Variants in GRXCR1 observed in about 807,000 individuals in gnomAD.
The protein encoded by GRXCR1 is glutaredoxin domain-containing cysteine-rich protein 1.
Under a neutral mutation model 27.3 loss-of-function variants are expected in GRXCR1, and 27 were observed. The ratio of observed to expected loss-of-function variants is 0.99; its 90% CI spans 0.73 to 1.37. GRXCR1 has a LOEUF of 1.37. Among genes scored for constraint, GRXCR1 ranks in the 40% most tolerant of loss-of-function variants. The pLI is 0.00. For missense variants in GRXCR1, 379 were observed against 354.4 expected, an observed-to-expected ratio of 1.07 and a Z score of -0.56; for synonymous variants, 122 against 131.1, an observed-to-expected ratio of 0.93 and a Z score of 0.47.
rs553561724 is a variant in GRXCR1, at chr4:42,956,851, C to T, written c.385-6041C>T. On this transcript the variant is annotated intron_variant, in intron 1 of 3. Transcript: ENST00000399770. Reference sequence around the variant, plus strand: ...TCCTTCTTTACTTATCATTTTGAAACGTAAACCAGGTTTAGTGCAACTCCT... The same window carrying T: ...TCCTTCTTTACTTATCATTTTGAAATGTAAACCAGGTTTAGTGCAACTCCT... Among the ~76,000 whole-genome samples, 29 of 152,190 alleles carry T rather than the reference C, an allele frequency of 1.9e-4. No homozygotes were observed. In the South Asian group the frequency reaches 2.9e-3, roughly 15 times the overall value.
intron 1 of GRXCR1, among the ~76,000 whole-genome samples, chr4:42,926,851 G>A (rs1422254969): frequency 7.2e-5 from 11 of 151,912 alleles, no homozygotes; most frequent in Admixed American, 1.3e-4. Context: ...TTTTCTTTTC[G>A]TTTCTCCTGG....
rs569440518 is a variant in GRXCR1, at chr4:42,994,056, G to A, written c.628-26298G>A. Among the ~76,000 whole-genome samples, 34 of 152,262 alleles carry A rather than the reference G, an allele frequency of 2.2e-4. No homozygotes were observed. In the South Asian group the frequency reaches 7.1e-3, roughly 32 times the overall value. ...AATGTTTTATAGGATCGTAGCAAGA[G>A]TAGGTCAGCAGAAGTTCATCAGGTT... On this transcript the variant is annotated intron_variant, in intron 2 of 3. Transcript: ENST00000399770.
chr4:42,965,118 C>T (rs781139741), intron 2 of GRXCR1, among the ~76,000 whole-genome samples: 5 of 152,014 alleles, frequency 3.3e-5, no homozygotes, highest in Admixed American at 3.3e-4. Flanking sequence ...CTATAATGCC[C>T]GTCCTGCTAT....
chr4:43,007,461 G>A (rs1014661267), intron 2 of GRXCR1, among the ~76,000 whole-genome samples: 1 of 152,170 alleles, frequency 6.6e-6, no homozygotes, highest in Non-Finnish European at 1.5e-5. Context: ...GGTATTTAAT[G>A]TTTTTAATCA....
intron 2 of GRXCR1, among the ~76,000 whole-genome samples, chr4:43,000,392 C>T (rs757358985): frequency 4.6e-5 from 7 of 150,636 alleles, no homozygotes; most frequent in Non-Finnish European, 1.0e-4. Flanking sequence ...AGAAGAATCG[C>T]TTGAACCAGG....
chr4:42,990,664 T>C (rs1362505046), intron 2 of GRXCR1, among the ~76,000 whole-genome samples: 1 of 152,152 alleles, frequency 6.6e-6, no homozygotes, highest in Non-Finnish European at 1.5e-5. Context: ...GTTTTTGTTT[T>C]ATATTTTGCT....
intron 2 of GRXCR1, among the ~76,000 whole-genome samples, chr4:43,006,725 A>G (rs1712570024): frequency 2.0e-5 from 3 of 152,268 alleles, no homozygotes; most frequent in Middle Eastern, 3.4e-3. Flanking sequence ...TTGCCTTGTG[A>G]TATTCTATTA....
At chr4:42,973,797 T>A (rs1472402756) in intron 2 of GRXCR1, among the ~76,000 whole-genome samples, 1 of 152,170 alleles carries the variant, frequency 6.6e-6, no homozygotes, top group Non-Finnish European at 1.5e-5. Flanking sequence ...CCCCTTTCAA[T>A]GAAGATAATA....
At chr4:42,993,041 A>G (rs1577936123) in intron 2 of GRXCR1, among the ~76,000 whole-genome samples, 1 of 152,024 alleles carries the variant, frequency 6.6e-6, no homozygotes, top group Non-Finnish European at 1.5e-5. Flanking sequence ...GAAATGGCAA[A>G]TGCTGCTTTA....
intron 2 of GRXCR1, among the ~76,000 whole-genome samples, chr4:42,976,415 T>C (rs1157367481): frequency 6.6e-6 from 1 of 152,098 alleles, no homozygotes; most frequent in Non-Finnish European, 1.5e-5. Flanking sequence ...GTTTTATATC[T>C]TTAAAAGATG....
intron 2 of GRXCR1, among the ~76,000 whole-genome samples, chr4:42,970,556 C>G (rs1006189398): frequency 4.6e-5 from 7 of 152,142 alleles, no homozygotes; most frequent in African/African-American, 1.7e-4. Flanking sequence ...GAAGCCATGT[C>G]CCAAGCTATA....
intron 1 of GRXCR1, among the ~76,000 whole-genome samples, chr4:42,934,421 A>T (rs529869608): frequency 6.6e-6 from 1 of 151,688 alleles, no homozygotes; most frequent in African/African-American, 2.4e-5. Context: ...ACACTCACAG[A>T]GTTTCTCTCT....
intron 2 of GRXCR1, among the ~76,000 whole-genome samples, chr4:42,982,561 G>T (rs1454118700): frequency 4.2e-5 from 5 of 120,066 alleles, no homozygotes; most frequent in African/African-American, 1.3e-4. Context: ...AGTCCTTTGG[G>T]TATATACCCA....
chr4:42,921,084 T>C (rs533145838), intron 1 of GRXCR1, among the ~76,000 whole-genome samples: 5 of 152,080 alleles, frequency 3.3e-5, no homozygotes, highest in African/African-American at 4.8e-5. Context: ...ACCTCCAAGA[T>C]GATGGCGTTA....
intron 1 of GRXCR1, among the ~76,000 whole-genome samples, chr4:42,922,679 A>G (rs569607302): frequency 1.3e-5 from 2 of 152,250 alleles, no homozygotes; most frequent in East Asian, 1.9e-4. Flanking sequence ...TAATGGTGGT[A>G]TCAGTGAGAT....
At chr4:42,972,447 G>C (rs1359742623) in intron 2 of GRXCR1, among the ~76,000 whole-genome samples, 7 of 152,104 alleles carry the variant, frequency 4.6e-5, no homozygotes, top group Non-Finnish European at 4.4e-5. Flanking sequence ...TACAGGGATA[G>C]AGAAATTTAA....
intron 1 of GRXCR1, among the ~76,000 whole-genome samples, chr4:42,932,394 C>T (rs1001140156): frequency 4.0e-5 from 6 of 151,144 alleles, no homozygotes; most frequent in Admixed American, 2.6e-4. Flanking sequence ...TGCTTCATGA[C>T]GCACATTTTG....
chr4:42,911,100 A>G (rs955533944), intron 1 of GRXCR1, among the ~76,000 whole-genome samples: 3 of 152,114 alleles, frequency 2.0e-5, no homozygotes, highest in African/African-American at 7.2e-5. Context: ...TTTTATTTTC[A>G]TATCCTGAGT....
intron 2 of GRXCR1, among the ~76,000 whole-genome samples, chr4:42,972,651 G>A (rs1304569805): frequency 6.6e-6 from 1 of 152,110 alleles, no homozygotes; most frequent in Non-Finnish European, 1.5e-5. Context: ...AAATAATACT[G>A]TGAATGGCAC....
Sources: gnomAD v4.1 joint callset for allele counts (sites outside exome capture counted in the v4.1 genomes callset) on GRCh38, gnomAD v4.1.1 for gene constraint, MANE v1.5 for transcripts, NCBI Gene and HGNC (gene_info 2026-07-23, HGNC 2026-07-21) for gene names.